WWC2: variants seen among roughly 807,000 people sequenced by gnomAD.
WWC2 encodes protein WWC2.
A neutral mutation model predicts 138.5 loss-of-function variants in WWC2; 101 were observed. That is an observed-to-expected ratio of 0.73 (90% confidence interval 0.62 to 0.86). WWC2 has a LOEUF of 0.86. Ranked by LOEUF, WWC2 falls within the 40% of genes least tolerant of loss-of-function variation. The pLI, the probability that WWC2 is intolerant of heterozygous loss-of-function variation, is 0.00. For synonymous variants in WWC2, 558 were observed against 538.4 expected (o/e 1.04, Z -0.50); for missense variants, 1,420 against 1,419.4 (o/e 1.00, Z -0.01).
intron 1 of WWC2, among the ~76,000 whole-genome samples, chr4:183,187,424 C>G (rs932463687): frequency 6.6e-6 from 1 of 151,156 alleles, no homozygotes; most frequent in Non-Finnish European, 1.5e-5. Context: ...CATGGTGGCA[C>G]GCACCTGTAG....
chr4:183,311,909 TAAATA>T (rs1269912316), intron 21 of WWC2, among the ~76,000 whole-genome samples: 2 of 152,160 alleles, frequency 1.3e-5, no homozygotes, highest in Admixed American at 1.3e-4. Flanking sequence ...AATTCTACGT[TAAATA>T]AACAGCTTTT....
At chr4:183,281,629 A>G (rs1004903917) in intron 17 of WWC2, among the ~76,000 whole-genome samples, 3 of 152,228 alleles carry the variant, frequency 2.0e-5, no homozygotes, top group Non-Finnish European at 4.4e-5. Flanking sequence ...GTATGTGTGT[A>G]TATAGAAAAC....
Position 183,320,145 on chromosome 4 carries a change from C to T in WWC2, c.*4416C>T. The T allele has an allele frequency of 6.2e-6, 10 of 1,614,118 alleles. No homozygotes were observed. The highest frequency in any genetic ancestry group is 6.8e-6 in the Non-Finnish European group (8 of 1,180,002). ...CCAGTGTGGCAGGTAGTTTGTAAGA[C>T]AGGATAAAACCCATCCCAGCAAAGA... On this transcript the variant is annotated 3_prime_UTR_variant, in exon 23 of 23. Coordinates refer to ENST00000403733, the MANE Select transcript of WWC2 (RefSeq NM_024949.6).
intron 15 of WWC2, chr4:183,269,382 G>A (rs6858486): frequency 0.71 from 496,403 of 695,028 alleles, 178,704 homozygotes; most frequent in Non-Finnish European, 0.74. Context: ...GTGATTTTCT[G>A]TAAAAGTTGC....
intron 1 of WWC2, among the ~76,000 whole-genome samples, chr4:183,122,182 A>C (rs1020586082): frequency 6.6e-6 from 1 of 152,136 alleles, no homozygotes; most frequent in African/African-American, 2.4e-5. Flanking sequence ...AATGTTATTT[A>C]TGTATTAGGC....
At chr4:183,160,758 A>C (rs1255601687) in intron 1 of WWC2, among the ~76,000 whole-genome samples, 1 of 152,210 alleles carries the variant, frequency 6.6e-6, no homozygotes, top group Non-Finnish European at 1.5e-5. Flanking sequence ...TGAGTTGATT[A>C]ATCTGTTAGG....
At chr4:183,264,645 T>A (rs1397325227) in intron 11 of WWC2, among the ~76,000 whole-genome samples, 1 of 152,174 alleles carries the variant, frequency 6.6e-6, no homozygotes, top group Non-Finnish European at 1.5e-5. Flanking sequence ...TCATTTCCTA[T>A]TCCTGAATAT....
At chr4:183,160,628 G>C (rs1336502527) in intron 1 of WWC2, among the ~76,000 whole-genome samples, 1 of 152,180 alleles carries the variant, frequency 6.6e-6, no homozygotes, top group African/African-American at 2.4e-5. Flanking sequence ...AATCAGTTTG[G>C]TTAGCATTAA....
intron 1 of WWC2, among the ~76,000 whole-genome samples, chr4:183,120,988 C>T (rs1018765394): frequency 3.9e-5 from 6 of 152,216 alleles, no homozygotes; most frequent in East Asian, 3.9e-4. Flanking sequence ...TTTGGGAGGC[C>T]GGCAGATCAC....
intron 2 of WWC2, among the ~76,000 whole-genome samples, chr4:183,202,393 T>C (rs1451982354): frequency 2.0e-5 from 3 of 152,128 alleles, no homozygotes. Context: ...CATCAAAGCA[T>C]CATAAAATAT....
intron 1 of WWC2, among the ~76,000 whole-genome samples, chr4:183,100,097 G>A (rs1236443262): frequency 1.3e-5 from 2 of 152,242 alleles, no homozygotes; most frequent in African/African-American, 4.8e-5. Flanking sequence ...CTTGGCGGGG[G>A]CGCCCAGACT....
Position 183,222,641 on chromosome 4 carries a change from G to A in WWC2, c.522+13616G>A, listed in dbSNP as rs573580549. Among the ~76,000 whole-genome samples, 4 of 152,180 alleles carry A rather than the reference G, an allele frequency of 2.6e-5. No homozygotes were observed. In the South Asian group the frequency reaches 8.3e-4, roughly 32 times the overall value. On this transcript the variant is annotated intron_variant, in intron 4 of 22. Coordinates refer to ENST00000403733, the MANE Select transcript of WWC2 (RefSeq NM_024949.6). ...AGAGAAATTTTCAGAATATCATCTGGACATGTTACTAGAACAAATTTACCT... is the reference window on the plus strand; with the variant it reads ...AGAGAAATTTTCAGAATATCATCTGAACATGTTACTAGAACAAATTTACCT...
At chr4:183,204,478 A>G (rs552665342) in intron 2 of WWC2, among the ~76,000 whole-genome samples, 3 of 152,080 alleles carry the variant, frequency 2.0e-5, no homozygotes, top group African/African-American at 4.8e-5. Flanking sequence ...TTACTCCCTA[A>G]CCAGTGCTCT....
intron 1 of WWC2, among the ~76,000 whole-genome samples, chr4:183,183,153 A>G (rs1734686919): frequency 6.6e-6 from 1 of 152,204 alleles, no homozygotes; most frequent in African/African-American, 2.4e-5. Context: ...TCTAGGTTAA[A>G]AGGAATTAAC....
At chr4:183,304,032 C>T (rs1209204239) in intron 21 of WWC2, among the ~76,000 whole-genome samples, 1 of 151,976 alleles carries the variant, frequency 6.6e-6, no homozygotes, top group Non-Finnish European at 1.5e-5. Flanking sequence ...GTTATGAAAT[C>T]ATTAAAAGCT....
intron 8 of WWC2, 122 bp downstream of exon 8, chr4:183,250,115 G>A (rs1198853055): frequency 2.4e-6 from 2 of 831,890 alleles, no homozygotes; most frequent in African/African-American, 3.5e-5. Context: ...CCACCCTTCG[G>A]TTTTAGCATG....
At chr4:183,243,145 C>T (rs762336023) in intron 5 of WWC2, among the ~76,000 whole-genome samples, 2 of 151,994 alleles carry the variant, frequency 1.3e-5, no homozygotes, top group Non-Finnish European at 2.9e-5. Context: ...ATTTTTTAAA[C>T]GTTAAGGTTT....
At chr4:183,103,706 C>G (rs1450909789) in intron 1 of WWC2, among the ~76,000 whole-genome samples, 1 of 147,558 alleles carries the variant, frequency 6.8e-6, no homozygotes, top group Non-Finnish European at 1.5e-5. Context: ...GGTGCCATCT[C>G]GCCTCACTGC....
rs1006638260 is a variant in WWC2, at chr4:183,319,422, T to C, written c.*3693T>C. 1 of 988,124 alleles carries C rather than the reference T, an allele frequency of 1.0e-6. No individual in the cohort carries two copies. Among genetic ancestry groups the C allele is most frequent in the Non-Finnish European group, 1.5e-6 (1 of 665,790 alleles). 61.2% of individuals were successfully genotyped at this position (988,124 alleles called of 1,614,324 possible). On this transcript the variant is annotated 3_prime_UTR_variant, in exon 23 of 23. Transcript: ENST00000403733. ...TGGTTTACCAGTCTTGGAAAGAAAC[T>C]ATAGTTTAATAGCCACAGGAAAAGA...
Sources: allele counts gnomAD v4.1 joint callset (sites outside exome capture counted in the v4.1 genomes callset), GRCh38; gene constraint gnomAD v4.1.1; transcripts MANE v1.5; gene names NCBI Gene and HGNC (gene_info 2026-07-23, HGNC 2026-07-21).